Variants in OSBP2 observed in about 807,000 individuals in gnomAD.
The protein encoded by OSBP2 is oxysterol binding protein 2.
In OSBP2, 66 loss-of-function variants were observed where a neutral mutation model predicts 96.0. The observed-to-expected ratio is 0.69, with a 90% CI of 0.56 to 0.84. The LOEUF is 0.84. OSBP2 is among the 40% of genes least tolerant of loss of function. OSBP2 has a pLI of 0.00. For synonymous variants in OSBP2, 525 were observed against 520.9 expected (o/e 1.01, Z -0.11); for missense variants, 1,038 against 1,222.7 (o/e 0.85, Z 2.25).
rs1386123579 is a variant in OSBP2 at position 30,893,123 on chromosome 22, TGA to T, written c.1873_1874del (p.Ser625ProfsTer83). 1 of 1,613,896 alleles carries T rather than the reference TGA, an allele frequency of 6.2e-7. No individual in the cohort carries two copies. On this transcript the variant is annotated frameshift_variant and splice_region_variant, in exon 9 of 14. Transcript: ENST00000332585. LOFTEE classifies it high-confidence loss of function. Reference sequence around the variant, plus strand: ...CACATCCTATGGGTCTGGTCTCAGGTGAGCCACCACCCCCCCTCAGCTGCGCA... The same window carrying T: ...CACATCCTATGGGTCTGGTCTCAGGTGCCACCACCCCCCCTCAGCTGCGCA...
chr22:30,900,210 T>C (rs2147185125), intron 12 of OSBP2, among the ~76,000 whole-genome samples: 1 of 150,380 alleles, frequency 6.6e-6, no homozygotes, highest in East Asian at 2.0e-4. Flanking sequence ...GCCAAGATCA[T>C]GCCATTGCAC....
intron 2 of OSBP2, among the ~76,000 whole-genome samples, chr22:30,745,816 G>T (rs1054691533): frequency 6.6e-5 from 10 of 152,098 alleles, no homozygotes; most frequent in African/African-American, 2.2e-4. Flanking sequence ...GAAAAAAAGA[G>T]AAGACTCGAA....
At chr22:30,767,291 C>T (rs2090287204) in intron 2 of OSBP2, among the ~76,000 whole-genome samples, 1 of 151,394 alleles carries the variant, frequency 6.6e-6, no homozygotes, top group Non-Finnish European at 1.5e-5. Flanking sequence ...GCCTGGGCAA[C>T]AGAGCAAGAC....
At chr22:30,807,134 T>C (rs552913122) in intron 2 of OSBP2, among the ~76,000 whole-genome samples, 28 of 152,324 alleles carry the variant, frequency 1.8e-4, no homozygotes, top group African/African-American at 6.7e-4. Flanking sequence ...TTCATGATGC[T>C]GAACCTTGCG....
chr22:30,865,631 C>CAA lies in OSBP2; in HGVS notation c.854-4774_854-4773dup, dbSNP rs398040482. 5.1e-3 allele frequency among the ~76,000 whole-genome samples: 301 copies of CAA among 59,278 alleles called. 2 individuals carry two copies. The highest frequency in any genetic ancestry group is 0.01 in the African/African-American group (118 of 11,456). 38.9% of individuals were successfully genotyped at this position (59,278 alleles called of 152,430 possible). A position where few individuals can be genotyped will look rare whatever the true frequency, so the allele number is the denominator to read the frequency against. ...TGGGTGACAAAGCAAGACTCCATCT[C>CAA]AAAAAAAAAAAAAAAAAAAAAAAAA... On this transcript the variant is annotated intron_variant, in intron 2 of 13. Transcript: ENST00000332585.
intron 2 of OSBP2, among the ~76,000 whole-genome samples, chr22:30,855,852 C>T (rs2039067522): frequency 6.6e-6 from 1 of 152,244 alleles, no homozygotes; most frequent in Admixed American, 6.5e-5. Flanking sequence ...GGTTGTAATT[C>T]AAGCCTGCCT....
At chr22:30,895,523 T>C (rs2040043837) in intron 12 of OSBP2, among the ~76,000 whole-genome samples, 1 of 152,226 alleles carries the variant, frequency 6.6e-6, no homozygotes, top group Admixed American at 6.5e-5. Flanking sequence ...ATTGGATTAA[T>C]ATTTTCTAAG....
intron 2 of OSBP2, among the ~76,000 whole-genome samples, chr22:30,867,998 A>C (rs554879408): frequency 6.6e-6 from 1 of 152,364 alleles, no homozygotes; most frequent in South Asian, 2.1e-4. Context: ...AGGTGGTAAG[A>C]GCACAGGCTC....
intron 2 of OSBP2, among the ~76,000 whole-genome samples, chr22:30,848,021 A>G (rs755081274): frequency 2.6e-4 from 40 of 152,178 alleles, no homozygotes; most frequent in Non-Finnish European, 2.9e-5. Flanking sequence ...GAATTATAGT[A>G]TACATACTGT....
chr22:30,822,760 T>C, intron 2 of OSBP2: 2 of 1,447,230 alleles, frequency 1.4e-6, no homozygotes, highest in Admixed American at 4.1e-5. Flanking sequence ...TCCCCGCGCA[T>C]GCACGCCCGG....
At chr22:30,727,615 G>A (rs1178160972) in intron 1 of OSBP2, among the ~76,000 whole-genome samples, 2 of 152,156 alleles carry the variant, frequency 1.3e-5, no homozygotes, top group Non-Finnish European at 2.9e-5. Flanking sequence ...GGGCACTGCT[G>A]CCTCTGCTGC....
intron 2 of OSBP2, among the ~76,000 whole-genome samples, chr22:30,752,288 CTTT>C (rs10691256): frequency 1.0e-4 from 5 of 48,652 alleles, no homozygotes; most frequent in South Asian, 8.7e-4. Flanking sequence ...CTTTGCTTTG[CTTT>C]TTTTTTTTTT....
At chr22:30,858,879 CAATAATAATAATAAT>C (rs137975802) in intron 2 of OSBP2, among the ~76,000 whole-genome samples, 54 of 141,428 alleles carry the variant, frequency 3.8e-4, no homozygotes, top group Admixed American at 1.7e-3. Flanking sequence ...GACTCTGTCT[CAATAATAATAATAAT>C]AATAATAATA....
At position 30,728,350 on chromosome 22, in the gene OSBP2, G is replaced by A. The variant is rs1442729317; in HGVS notation, c.645-12811G>A. On this transcript the variant is annotated intron_variant, in intron 1 of 13. Transcript: ENST00000332585. ...GTGGAGCTTGCAGTGAGCCAAGATC[G>A]CGCCACTGCACTCCAGCCTGGGCAA... Among the ~76,000 whole-genome samples, 11 of 148,342 alleles carry A rather than the reference G, an allele frequency of 7.4e-5. No individual in the cohort carries two copies. In the East Asian group the frequency reaches 1.8e-3, roughly 24 times the overall value.
chr22:30,797,999 A>G (rs2090788766), intron 2 of OSBP2, among the ~76,000 whole-genome samples: 1 of 152,186 alleles, frequency 6.6e-6, no homozygotes, highest in South Asian at 2.1e-4. Flanking sequence ...TAATATTTTG[A>G]GGAACCTCCA....
intron 1 of OSBP2, among the ~76,000 whole-genome samples, chr22:30,724,590 T>A (rs1303711996): frequency 1.3e-5 from 2 of 152,242 alleles, no homozygotes; most frequent in Non-Finnish European, 2.9e-5. Context: ...ATTGTCTAGA[T>A]GGACTATAGT....
intron 2 of OSBP2, among the ~76,000 whole-genome samples, chr22:30,823,346 G>A (rs1274812785): frequency 6.6e-6 from 1 of 152,210 alleles, no homozygotes; most frequent in Non-Finnish European, 1.5e-5. Flanking sequence ...AATTCCTGAT[G>A]CTTGAAACCT....
At chr22:30,778,146 C>G (rs183502851) in intron 2 of OSBP2, among the ~76,000 whole-genome samples, 1 of 141,014 alleles carries the variant, frequency 7.1e-6, no homozygotes, top group Non-Finnish European at 1.5e-5. Context: ...AGGCATGCAC[C>G]AGCATGCCCG....
chr22:30,833,133 G>C (rs1437637910), intron 2 of OSBP2, among the ~76,000 whole-genome samples: 1 of 152,152 alleles, frequency 6.6e-6, no homozygotes, highest in Non-Finnish European at 1.5e-5. Context: ...CTGTCAGATG[G>C]GGTCTTAGAG....
Sources: gnomAD v4.1 joint callset for allele counts (sites outside exome capture counted in the v4.1 genomes callset) on GRCh38, gnomAD v4.1.1 for gene constraint, MANE v1.5 for transcripts, NCBI Gene and HGNC (gene_info 2026-07-23, HGNC 2026-07-21) for gene names.